FAM186A: variants seen among roughly 807,000 people sequenced by gnomAD.
FAM186A encodes the protein family with sequence similarity 186 member A.
A neutral mutation model predicts 216.8 loss-of-function variants in FAM186A; 163 were observed. The ratio of observed to expected loss-of-function variants is 0.75; its 90% CI spans 0.66 to 0.86. The LOEUF is 0.86. FAM186A is among the 40% of genes least tolerant of loss of function. The probability of loss-of-function intolerance (pLI) is 0.00; values close to 1 mark genes in which losing one functional copy is unlikely to be tolerated. For synonymous variants in FAM186A, 805 were observed against 1,025.3 expected (o/e 0.79, Z 4.10); for missense variants, 2,184 against 2,746.2 (o/e 0.80, Z 4.58).
At chr12:50,331,303 G>C in intron 6 of FAM186A, among the ~76,000 whole-genome samples, 1 of 152,090 alleles carries the variant, frequency 6.6e-6, no homozygotes, top group East Asian at 1.9e-4. Context: ...GCAATGGCAC[G>C]ATCTCGGCTC....
At chr12:50,377,690 G>A (rs1319056939) in intron 1 of FAM186A, among the ~76,000 whole-genome samples, 9 of 151,460 alleles carry the variant, frequency 5.9e-5, no homozygotes, top group South Asian at 2.1e-4. Flanking sequence ...AAAATTAGCC[G>A]GGCGTGGTGG....
intron 4 of FAM186A, among the ~76,000 whole-genome samples, chr12:50,342,544 G>A (rs28651558): frequency 0.03 from 4,435 of 146,912 alleles, 222 homozygotes; most frequent in African/African-American, 0.1. Context: ...GCATGATCTC[G>A]GCTCACTGCA....
At chr12:50,389,705 T>C (rs1447574714) in intron 1 of FAM186A, among the ~76,000 whole-genome samples, 1 of 152,110 alleles carries the variant, frequency 6.6e-6, no homozygotes, top group African/African-American at 2.4e-5. Flanking sequence ...CCAGGGAATG[T>C]GTTAATTTGT....
At position 50,351,411 on chromosome 12, in the gene FAM186A, T is replaced by C. The variant is rs1159952296; in HGVS notation, c.5421A>G (p.Gln1807=). 5 of 1,466,934 alleles carry C rather than the reference T, an allele frequency of 3.4e-6. No homozygotes were observed. Among genetic ancestry groups the C allele is most frequent in the Non-Finnish European group, 4.5e-6 (5 of 1,110,142 alleles). The allele number at this position is 1,466,934 out of a possible 1,614,324, so 90.9% of individuals were successfully genotyped here. ...SSGQTLVYGG[Q]STSAQFPAPQ... Reference sequence around the variant, plus strand: ...GTGCCGGGAACTGCGCAGAAGTGGATTGACCTCCGTATACCAGGGTCTGTC... The same window carrying C: ...GTGCCGGGAACTGCGCAGAAGTGGACTGACCTCCGTATACCAGGGTCTGTC... Residue 1807 remains glutamine, a synonymous_variant, in exon 4 of 8, where the codon CAA becomes CAG. Transcript: ENST00000327337.
chr12:50,369,923 G>C (rs980166710), intron 1 of FAM186A, among the ~76,000 whole-genome samples: 4 of 151,742 alleles, frequency 2.6e-5, no homozygotes, highest in Non-Finnish European at 5.9e-5. Flanking sequence ...AGGAGATCGA[G>C]ACCATCCTGA....
chr12:50,341,606 G>A (rs550434711), intron 4 of FAM186A, among the ~76,000 whole-genome samples: 250 of 152,250 alleles, frequency 1.6e-3, no homozygotes, highest in Admixed American at 2.8e-3. Flanking sequence ...GGAGGCCAAG[G>A]TGGGCAGATC....
At chr12:50,370,110 C>G (rs1232479708) in intron 1 of FAM186A, among the ~76,000 whole-genome samples, 40 of 108,120 alleles carry the variant, frequency 3.7e-4, no homozygotes, top group African/African-American at 1.3e-3. Context: ...GGCGACAGAG[C>G]GAGACTCCAT....
Position 50,353,613 on chromosome 12 carries a change from A to G in FAM186A, c.3219T>C (p.Ile1073=). The G allele has an allele frequency of 6.5e-7, 1 of 1,530,964 alleles. No homozygotes were observed. The highest frequency in any genetic ancestry group is 8.8e-7 in the Non-Finnish European group (1 of 1,138,520). The allele number at this position is 1,530,964 out of a possible 1,614,324, so 94.8% of individuals were successfully genotyped here. ...PISGQPLTKC[I]HLTPQQAQEV... ...CCTGGGCCTGCTGAGGTGTGAGATG[A>G]ATGCATTTAGTGAGAGGCTGGCCAG... Residue 1073 remains isoleucine (I), a synonymous_variant, in exon 4 of 8, where the codon ATT becomes ATC. Coordinates refer to ENST00000327337, the MANE Select transcript of FAM186A (RefSeq NM_001145475.3).
At chr12:50,356,757 G>C (rs1365855099) in intron 3 of FAM186A, among the ~76,000 whole-genome samples, 1 of 152,192 alleles carries the variant, frequency 6.6e-6, no homozygotes, top group Non-Finnish European at 1.5e-5. Flanking sequence ...CCAGCACTTT[G>C]GGAGACCTGG....
At chr12:50,339,159 C>A (rs1415407896) in intron 4 of FAM186A, among the ~76,000 whole-genome samples, 1 of 151,808 alleles carries the variant, frequency 6.6e-6, no homozygotes, top group Non-Finnish European at 1.5e-5. Context: ...GGACCACAGG[C>A]ATACATACCA....
intron 1 of FAM186A, among the ~76,000 whole-genome samples, chr12:50,385,661 G>A (rs528383911): frequency 3.5e-4 from 53 of 152,260 alleles, no homozygotes; most frequent in Non-Finnish European, 5.3e-4. Context: ...AGCACTTTGG[G>A]AGGCCGAGGT....
At chr12:50,330,203 T>C (rs1465493891) in intron 7 of FAM186A, among the ~76,000 whole-genome samples, 6 of 152,284 alleles carry the variant, frequency 3.9e-5, no homozygotes, top group African/African-American at 1.2e-4. Flanking sequence ...GCACTTAAGC[T>C]CATGTCACTG....
At chr12:50,334,165 T>G in intron 4 of FAM186A, 62 bp from the exon 5 acceptor site, 4 of 1,309,030 alleles carry the variant, frequency 3.1e-6, no homozygotes, top group Non-Finnish European at 4.1e-6. Flanking sequence ...AACAAACTTG[T>G]CCTCAGTTTC....
rs149816000 is a variant in FAM186A, at chr12:50,354,375, T to C, written c.2457A>G (p.Glu819=). 3.9e-4 allele frequency: 602 copies of C among 1,551,630 alleles called. 8 individuals carry two copies. In the East Asian group the frequency reaches 0.014, roughly 37 times the overall value. ...STVQKDHKEK[E]KQRQEQYLQE... ...GCAAATATTGCTCCTGCCTTTGTTT[T>C]TCCTTCTCCTTGTGGTCTTTCTGTA... is the stretch of plus-strand genomic sequence containing the variant. The change falls in exon 4 of 8, where the codon GAA becomes GAG. Residue 819 remains glutamate (E), a synonymous_variant. Coordinates refer to ENST00000327337, the MANE Select transcript of FAM186A (RefSeq NM_001145475.3).
At chr12:50,340,699 G>T (rs999283647) in intron 4 of FAM186A, among the ~76,000 whole-genome samples, 5 of 151,332 alleles carry the variant, frequency 3.3e-5, no homozygotes, top group Non-Finnish European at 7.4e-5. Context: ...AAATGTTGAT[G>T]AATTAAGTGA....
Position 50,354,315 on chromosome 12 carries a change from G to A in FAM186A, c.2517C>T (p.Leu839=). ...TTCTTTCTCCCAGCAACTGCTGTTT[G>A]AGACTCATGCCAGACATTTGTTCTT... The part of the protein sequence containing the change: ...EGQEQMSGMS[L]KQQLLGERNL... The change falls in exon 4 of 8, where the codon CTC becomes CTT. Residue 839 remains leucine, a synonymous_variant. Coordinates refer to ENST00000327337, the MANE Select transcript of FAM186A (RefSeq NM_001145475.3). 1 of 1,551,612 alleles carries A rather than the reference G, an allele frequency of 6.4e-7. No homozygotes were observed. Among genetic ancestry groups the A allele is most frequent in the Non-Finnish European group, 8.7e-7 (1 of 1,147,004 alleles).
At chr12:50,361,422 C>T (rs1429928964) in intron 2 of FAM186A, among the ~76,000 whole-genome samples, 2 of 151,934 alleles carry the variant, frequency 1.3e-5, no homozygotes, top group Non-Finnish European at 2.9e-5. Context: ...TGGTCTTGAA[C>T]TCCTGACCTC....
chr12:50,356,358 TATAAG>T (rs572063129), intron 3 of FAM186A, 110 bp from the exon 4 acceptor site: 174 of 802,168 alleles, frequency 2.2e-4, no homozygotes, highest in Non-Finnish European at 2.9e-4. Flanking sequence ...ACTAATTAAA[TATAAG>T]ATAAAGATTA....
At chr12:50,395,650 C>A (rs1252531002) in intron 1 of FAM186A, among the ~76,000 whole-genome samples, 1 of 152,020 alleles carries the variant, frequency 6.6e-6, no homozygotes, top group Non-Finnish European at 1.5e-5. Flanking sequence ...TTGAATTTCT[C>A]CTAATTTCTC....
Sources: allele counts gnomAD v4.1 joint callset (sites outside exome capture counted in the v4.1 genomes callset), GRCh38; gene constraint gnomAD v4.1.1; transcripts MANE v1.5; gene names NCBI Gene and HGNC (gene_info 2026-07-23, HGNC 2026-07-21).